Variants in FBLN5 observed in about 807,000 individuals in gnomAD.
The protein encoded by FBLN5 is fibulin-5.
A neutral mutation model predicts 61.6 loss-of-function variants in FBLN5; 24 were observed. The observed-to-expected ratio is 0.39, with a 90% CI of 0.28 to 0.55. The LOEUF (loss-of-function observed/expected upper bound fraction) is 0.55, where lower values mean the gene tolerates loss of function less well. Among genes scored for constraint, FBLN5 ranks in the 20% least tolerant of loss-of-function variants. The pLI, the probability that FBLN5 is intolerant of heterozygous loss-of-function variation, is 0.65. For missense variants in FBLN5, 470 were observed against 594.1 expected (o/e 0.79, Z 2.17); for synonymous variants, 213 against 219.8 (o/e 0.97, Z 0.27).
chr14:91,891,123 T>C, intron 6 of FBLN5, 98 bp downstream of exon 6: 4 of 790,230 alleles, frequency 5.1e-6, no homozygotes, highest in Non-Finnish European at 9.3e-6. Flanking sequence ...GAATATACTG[T>C]AGCAGCAGTA....
chr14:91,897,088 C>T (rs1890258916), intron 4 of FBLN5, among the ~76,000 whole-genome samples: 1 of 152,120 alleles, frequency 6.6e-6, no homozygotes, highest in Non-Finnish European at 1.5e-5. Context: ...TCTGGGAATC[C>T]TATGGAAGTG....
At chr14:91,925,290 C>G (rs1465823364) in intron 4 of FBLN5, among the ~76,000 whole-genome samples, 1 of 152,332 alleles carries the variant, frequency 6.6e-6, no homozygotes, top group South Asian at 2.1e-4. Flanking sequence ...CTGGCTGTCC[C>G]CATCTCCCCT....
chr14:91,901,334 T>TG (rs1269902287), intron 4 of FBLN5, among the ~76,000 whole-genome samples: 1 of 152,198 alleles, frequency 6.6e-6, no homozygotes, highest in African/African-American at 2.4e-5. Context: ...TGGGTGACAC[T>TG]GGGAGAAGCT....
At chr14:91,931,893 C>T (rs915799669) in intron 4 of FBLN5, among the ~76,000 whole-genome samples, 1 of 152,202 alleles carries the variant, frequency 6.6e-6, no homozygotes, top group African/African-American at 2.4e-5. Context: ...CCCAGCCACT[C>T]GGCACCAGCT....
intron 5 of FBLN5, 116 bp downstream of exon 5, chr14:91,894,832 CCT>C: frequency 3.8e-6 from 2 of 526,108 alleles, no homozygotes; most frequent in Non-Finnish European, 3.6e-6. Context: ...CCCCTCCCGC[CCT>C]CCCTAGCAAA....
intron 4 of FBLN5, among the ~76,000 whole-genome samples, chr14:91,932,666 G>A (rs2055944689): frequency 6.6e-6 from 1 of 152,180 alleles, no homozygotes; most frequent in African/African-American, 2.4e-5. Context: ...AACCTGAATT[G>A]GATCAAGTCC....
At position 91,891,212 on chromosome 14, in the gene FBLN5, G is replaced by A. The variant is rs1457512974; in HGVS notation, c.619+9C>T. Reference sequence around the variant, plus strand: ...ACATCATGTCCAAGTTATCATGCACGTCACATACCTTGGCAAGACCTTCCA... The same window carrying A: ...ACATCATGTCCAAGTTATCATGCACATCACATACCTTGGCAAGACCTTCCA... On this transcript the variant is annotated intron_variant, in intron 6 of 10. Coordinates refer to ENST00000342058, the MANE Select transcript of FBLN5 (RefSeq NM_006329.4). 18 of 1,496,348 alleles carry A rather than the reference G, an allele frequency of 1.2e-5. No homozygotes were observed. The highest frequency in any genetic ancestry group is 9.0e-5 in the East Asian group (4 of 44,344). 92.7% of individuals were successfully genotyped at this position (1,496,348 alleles called of 1,614,324 possible).
At chr14:91,896,440 T>C (rs1348697710) in intron 4 of FBLN5, among the ~76,000 whole-genome samples, 4 of 117,050 alleles carry the variant, frequency 3.4e-5, no homozygotes, top group Non-Finnish European at 7.8e-5. Flanking sequence ...TTTCTCCACC[T>C]TCACCGAATG....
At chr14:91,892,097 G>T (rs1427437587) in intron 5 of FBLN5, among the ~76,000 whole-genome samples, 1 of 152,216 alleles carries the variant, frequency 6.6e-6, no homozygotes, top group African/African-American at 2.4e-5. Context: ...GAGCAGAGCT[G>T]GGCAATGTGA....
intron 4 of FBLN5, among the ~76,000 whole-genome samples, chr14:91,918,771 T>C (rs945842161): frequency 6.6e-6 from 1 of 152,176 alleles, no homozygotes; most frequent in African/African-American, 2.4e-5. Flanking sequence ...CCAGCAAACA[T>C]TATTGACCCT....
rs115412670 is a variant in FBLN5, at chr14:91,896,595, C to T, written c.380-1523G>A. Among the ~76,000 whole-genome samples, 1,092 of 152,236 alleles carry T rather than the reference C, an allele frequency of 7.2e-3. 29 individuals carry two copies. The highest frequency in any genetic ancestry group is 0.025 in the African/African-American group (1,044 of 41,522). ...AATCCCCATTTTACAGATGGGAAAACTGAGTGGAAAGAGCTAGTAAGCACC... is the reference window on the plus strand; with the variant it reads ...AATCCCCATTTTACAGATGGGAAAATTGAGTGGAAAGAGCTAGTAAGCACC... On this transcript the variant is annotated intron_variant, in intron 4 of 10. Coordinates refer to ENST00000342058, the MANE Select transcript of FBLN5 (RefSeq NM_006329.4).
intron 6 of FBLN5, among the ~76,000 whole-genome samples, chr14:91,888,192 G>A (rs1314876529): frequency 6.6e-6 from 1 of 152,046 alleles, no homozygotes; most frequent in Non-Finnish European, 1.5e-5. Flanking sequence ...CCAGCTACCC[G>A]GGAGGCTGAG....
chr14:91,881,479 G>A lies in FBLN5; in HGVS notation c.863-61C>T, dbSNP rs145627775. 1.1e-3 allele frequency: 1,811 copies of A among 1,599,836 alleles called. 11 individuals are homozygous for A. The Middle Eastern group carries it at 0.018, about 16-fold the overall frequency. The stretch of plus-strand genomic sequence containing the variant: ...CATTATTGGCCAGGCCAGACGCGTG[G>A]GGGTGGGGTAGGCTGGATCTTACTA... On this transcript the variant is annotated intron_variant, in intron 8 of 10. Coordinates refer to ENST00000342058, the MANE Select transcript of FBLN5 (RefSeq NM_006329.4).
intron 8 of FBLN5, 64 bp from the exon 9 acceptor site, chr14:91,881,482 G>A: frequency 2.5e-6 from 4 of 1,593,384 alleles, no homozygotes; most frequent in Non-Finnish European, 3.4e-6. Context: ...ACGCGTGGGG[G>A]TGGGGTAGGC....
At chr14:91,905,144 T>C (rs1890627845) in intron 4 of FBLN5, among the ~76,000 whole-genome samples, 1 of 152,078 alleles carries the variant, frequency 6.6e-6, no homozygotes. Context: ...CAGAGCATGA[T>C]CATGAAATAC....
At position 91,902,823 on chromosome 14, in the gene FBLN5, A is replaced by C. The variant is rs770866714; in HGVS notation, c.380-7751T>G. Among the ~76,000 whole-genome samples the C allele has an allele frequency of 2.8e-4, 43 of 152,304 alleles. 1 individual carries two copies. The highest frequency in any genetic ancestry group is 4.1e-4 in the South Asian group (2 of 4,822). The stretch of plus-strand genomic sequence containing the variant: ...GGTGCATAAGTAACTGCAATATTTA[A>C]GAGAGTCTAAGAGGGAATTTAAGTT... On this transcript the variant is annotated intron_variant, in intron 4 of 10. Transcript: ENST00000342058.
intron 3 of FBLN5, among the ~76,000 whole-genome samples, chr14:91,940,192 C>T (rs969095817): frequency 1.3e-5 from 2 of 152,098 alleles, no homozygotes; most frequent in African/African-American, 2.4e-5. Flanking sequence ...AGCACACAGC[C>T]CTACTGACAC....
intron 3 of FBLN5, among the ~76,000 whole-genome samples, 179 bp downstream of exon 3, chr14:91,940,386 G>A (rs1030662160): frequency 6.6e-6 from 1 of 152,198 alleles, no homozygotes; most frequent in Non-Finnish European, 1.5e-5. Flanking sequence ...TCAGTGCTTA[G>A]CTCAAGGCCA....
chr14:91,870,541 T>C (rs1888874524), intron 10 of FBLN5, among the ~76,000 whole-genome samples, 156 bp from the exon 11 acceptor site: 1 of 152,254 alleles, frequency 6.6e-6, no homozygotes, highest in Non-Finnish European at 1.5e-5. Context: ...ACTCTCCACC[T>C]GGTTCTTTTC....
Sources: gnomAD v4.1 joint callset for allele counts (sites outside exome capture counted in the v4.1 genomes callset) on GRCh38, gnomAD v4.1.1 for gene constraint, MANE v1.5 for transcripts, NCBI Gene and HGNC (gene_info 2026-07-23, HGNC 2026-07-21) for gene names.